The following MPP4 variants were observed in gnomAD, a reference collection of about 807,000 sequenced individuals.
MPP4 encodes MAGUK p55 scaffold protein 4.
MPP4 carries 91 observed loss-of-function variants against 98.3 expected under a neutral mutation model. That is an observed-to-expected ratio of 0.93 (90% confidence interval 0.78 to 1.10). The LOEUF (loss-of-function observed/expected upper bound fraction) is 1.10. Among genes scored for constraint, MPP4 ranks in the 50% least tolerant of loss-of-function variants. The probability of loss-of-function intolerance (pLI) is 0.00; values close to 1 mark genes in which losing one functional copy is unlikely to be tolerated. For missense variants in MPP4, 744 were observed against 792.9 expected (o/e 0.94, Z 0.74); for synonymous variants, 261 against 271.8 (o/e 0.96, Z 0.39).
rs1399178273 is a variant in MPP4, at chr2:201,660,365, G to A, written c.1073-19C>T. 1.9e-6 allele frequency: 3 copies of A among 1,613,076 alleles called. No homozygotes were observed. The highest frequency in any genetic ancestry group is 1.3e-5 in the African/African-American group (1 of 74,912). Reference sequence around the variant, plus strand: ...AGTTCCTCTGGATATTTGGGTAAGTGCAGAAACAGACATGAAAAAGTTAAG... The same window carrying A: ...AGTTCCTCTGGATATTTGGGTAAGTACAGAAACAGACATGAAAAAGTTAAG... On this transcript the variant is annotated intron_variant, in intron 14 of 21. Coordinates refer to ENST00000409474, the MANE Select transcript of MPP4 (RefSeq NM_033066.3).
chr2:201,655,992 A>G (rs919711437), intron 17 of MPP4, among the ~76,000 whole-genome samples: 1 of 152,382 alleles, frequency 6.6e-6, no homozygotes, highest in Admixed American at 6.5e-5. Flanking sequence ...GTCATAACAC[A>G]TTCACTTGTA....
chr2:201,646,049 A>G (rs1687550704), intron 21 of MPP4, among the ~76,000 whole-genome samples: 1 of 152,204 alleles, frequency 6.6e-6, no homozygotes, highest in East Asian at 1.9e-4. Flanking sequence ...CTTCTAAACT[A>G]CAAAACTTAT....
At chr2:201,658,273 A>G (rs1190256414) in intron 16 of MPP4, among the ~76,000 whole-genome samples, 5 of 152,314 alleles carry the variant, frequency 3.3e-5, no homozygotes, top group Non-Finnish European at 5.9e-5. Context: ...TTAATAGATA[A>G]CCCAGTGGAA....
rs368182880 is a variant in MPP4, at chr2:201,680,893, T to G, written c.874A>C (p.Ile292Leu). Reference protein sequence around the residue: ...NDALWWQARKISDPATCAGLV... With the variant: ...NDALWWQARKLSDPATCAGLV... Reference sequence around the variant, plus strand: ...CCAGCGCAGGTAGCAGGGTCTGAGATTTTTCGGGCCTGCCACCAGAGGGCA... The same window carrying G: ...CCAGCGCAGGTAGCAGGGTCTGAGAGTTTTCGGGCCTGCCACCAGAGGGCA... The change falls in exon 10 of 22, where the codon ATC (isoleucine) becomes CTC (leucine). Residue 292 changes from isoleucine (I) to leucine (L), a missense_variant. Coordinates refer to ENST00000409474, the MANE Select transcript of MPP4 (RefSeq NM_033066.3). 25 of 1,613,608 alleles carry G rather than the reference T, an allele frequency of 1.5e-5. No individual in the cohort carries two copies. The African/African-American group carries it at 3.2e-4, about 21-fold the overall frequency.
Position 201,692,933 on chromosome 2 carries a change from G to T in MPP4, c.176C>A (p.Ser59Ter). 6.2e-7 allele frequency: 1 copy of T among 1,610,592 alleles called. No homozygotes were observed. The highest frequency in any genetic ancestry group is 8.5e-7 in the Non-Finnish European group (1 of 1,178,508). Residue 59 changes from serine to a stop codon, truncating the protein, a stop_gained, in exon 3 of 22, where the codon TCG (serine) becomes TAG (stop). Transcript: ENST00000409474. LOFTEE classifies it high-confidence loss of function. ...CTTTAGCAGAGCCTGAAGCCACGGC[G>T]AGTGGAGGAGATCGTACAAGAGACA... The part of the protein sequence containing the change: ...GVCLLYDLLH[S>*]PWLQALLKIY...
At position 201,666,319 on chromosome 2, in the gene MPP4, A is replaced by T. The variant is rs773011155; in HGVS notation, c.1051+15T>A. 9.0e-6 allele frequency: 14 copies of T among 1,549,296 alleles called. No individual in the cohort carries two copies. The South Asian group carries it at 1.7e-4, about 19-fold the overall frequency. On this transcript the variant is annotated intron_variant, in intron 13 of 21. Transcript: ENST00000409474. ...TATTTCTTCTAACAGCAAAGCAATCAAGAGAAAATGTTACCTGCTTCCACA... is the reference window on the plus strand; with the variant it reads ...TATTTCTTCTAACAGCAAAGCAATCTAGAGAAAATGTTACCTGCTTCCACA...
intron 16 of MPP4, among the ~76,000 whole-genome samples, chr2:201,656,827 A>T (rs966736691): frequency 5.3e-5 from 8 of 152,258 alleles, no homozygotes; most frequent in Non-Finnish European, 1.2e-4. Context: ...AAGCCTCTGC[A>T]GAGACGGGCA....
chr2:201,661,525 C>T lies in MPP4; in HGVS notation c.1073-1179G>A, dbSNP rs1254702147. On this transcript the variant is annotated intron_variant, in intron 14 of 21. Transcript: ENST00000409474. ...CTCACTTTTCCAGCTGAGAGGAGTC[C>T]ACAAGGGGCGTTTTACAGTAGGCAC... 6.6e-6 allele frequency: 3 copies of T among 456,366 alleles called. No individual in the cohort carries two copies. The Admixed American group carries it at 7.0e-5, about 11-fold the overall frequency. 28.3% of individuals were successfully genotyped at this position (456,366 alleles called of 1,614,324 possible).
In MPP4 at chr2:201,698,098, G is replaced by A. The variant is rs369664396; in HGVS notation, c.-101+489C>T. The A allele has an allele frequency of 7.9e-5, 78 of 993,476 alleles. No homozygotes were observed. The East Asian group carries it at 3.2e-3, about 40-fold the overall frequency. The allele number at this position is 993,476 out of a possible 1,614,324, so 61.5% of individuals were successfully genotyped here. ...ATAGCCAGTTCTTGACTCAGAAGAT[G>A]CATTAGTGTGACTGATGCCTAAGGA... On this transcript the variant is annotated intron_variant, in intron 1 of 21. Transcript: ENST00000409474.
chr2:201,669,737 T>C lies in MPP4; in HGVS notation c.1008A>G (p.Glu336=). The change falls in exon 12 of 22, where the codon GAA becomes GAG. Residue 336 remains glutamate (E), a synonymous_variant. Transcript: ENST00000409474. Reference sequence around the variant, plus strand: ...TTCCTAAATACTATTTCTTACCTTCTTCCATAGAAATTGCTGAGTACAAGC... The same window carrying C: ...TTCCTAAATACTATTTCTTACCTTCCTCCATAGAAATTGCTGAGTACAAGC... ...CLKSTLSISM[E]EEDDMKIDEK... is the part of the protein sequence containing the mutation. 6.9e-7 allele frequency: 1 copy of C among 1,450,500 alleles called. No individual in the cohort carries two copies. Among genetic ancestry groups the C allele is most frequent in the Non-Finnish European group, 9.2e-7 (1 of 1,088,428 alleles). 89.9% of individuals were successfully genotyped at this position (1,450,500 alleles called of 1,614,324 possible).
chr2:201,668,056 TA>T (rs1383029498), intron 12 of MPP4, among the ~76,000 whole-genome samples: 2 of 152,198 alleles, frequency 1.3e-5, no homozygotes, highest in East Asian at 3.8e-4. Flanking sequence ...TCCCAGTACA[TA>T]ACAAAGTTGT....
Position 201,682,926 on chromosome 2 carries a change from C to A in MPP4, c.575-10G>T. On this transcript the variant is annotated splice_polypyrimidine_tract_variant and intron_variant, in intron 7 of 21. Transcript: ENST00000409474. ...CCAGCATATAGCAACCCTAGGCAGACAGTAACAAAAAACAAAGAAAGATAC... is the reference window on the plus strand; with the variant it reads ...CCAGCATATAGCAACCCTAGGCAGAAAGTAACAAAAAACAAAGAAAGATAC... 1 of 1,609,798 alleles carries A rather than the reference C, an allele frequency of 6.2e-7. No homozygotes were observed. Among genetic ancestry groups the A allele is most frequent in the African/African-American group, 1.3e-5 (1 of 74,810 alleles).
chr2:201,650,905 G>A (rs1048480849), intron 18 of MPP4: 3 of 985,354 alleles, frequency 3.0e-6, no homozygotes, highest in South Asian at 4.7e-5. Flanking sequence ...AATAGTGCCA[G>A]GTTGTATAGA....
At chr2:201,697,892 A>G in intron 1 of MPP4, 7 of 984,854 alleles carry the variant, frequency 7.1e-6, no homozygotes, top group Non-Finnish European at 8.4e-6. Context: ...TAGTCCTGAA[A>G]GATGCTGATG....
intron 3 of MPP4, 35 bp from the exon 4 acceptor site, chr2:201,690,314 A>G: frequency 7.2e-7 from 1 of 1,395,026 alleles, no homozygotes; most frequent in Non-Finnish European, 1.0e-6. Context: ...ATTGATATTG[A>G]TAATATGACT....
At chr2:201,696,463 A>G (rs1233009650) in intron 1 of MPP4, among the ~76,000 whole-genome samples, 2 of 152,152 alleles carry the variant, frequency 1.3e-5, no homozygotes. Context: ...GACTCTTAAA[A>G]TTGGTTCCCC....
chr2:201,675,238 G>A lies in MPP4; in HGVS notation c.963C>T (p.Tyr321=), dbSNP rs779589538. The A allele has an allele frequency of 5.0e-6, 8 of 1,609,502 alleles. No homozygotes were observed. Among genetic ancestry groups the A allele is most frequent in the South Asian group, 3.3e-5 (3 of 89,576 alleles). Residue 321 remains tyrosine, a synonymous_variant, in exon 11 of 22, where the codon TAC becomes TAT. Transcript: ENST00000409474. ...KQREFWWSQP[Y]QPHTCLKSTL... is the part of the protein sequence containing the mutation. ...TTGACTTGAGGCAGGTGTGAGGCTGGTACGGCTGAGACCACCAGAATTCCC... is the reference window on the plus strand; with the variant it reads ...TTGACTTGAGGCAGGTGTGAGGCTGATACGGCTGAGACCACCAGAATTCCC...
Position 201,649,576 on chromosome 2 carries a change from C to A in MPP4, c.1584G>T (p.Gln528His). Residue 528 changes from glutamine to histidine, a missense_variant and splice_region_variant, in exon 20 of 22, where the codon CAG (glutamine) becomes CAT (histidine). Coordinates refer to ENST00000409474, the MANE Select transcript of MPP4 (RefSeq NM_033066.3). ...GKICVMDLEP[Q>H]DIQGVRTHEL... is the part of the protein sequence containing the mutation. ...CATAAATATTCCACCATGGACCCAC[C>A]TGAGGCTCTAGGTCCATGACACAGA... 1 of 1,595,114 alleles carries A rather than the reference C, an allele frequency of 6.3e-7. No homozygotes were observed. Among genetic ancestry groups the A allele is most frequent in the East Asian group, 2.2e-5 (1 of 44,456 alleles).
chr2:201,665,559 T>G (rs1002695652), intron 13 of MPP4: 3 of 152,196 alleles, frequency 2.0e-5, no homozygotes, highest in African/African-American at 4.8e-5. Flanking sequence ...TAATGGAAAT[T>G]GTAGAAAAGA....
Sources: allele counts gnomAD v4.1 joint callset (sites outside exome capture counted in the v4.1 genomes callset), GRCh38; gene constraint gnomAD v4.1.1; transcripts MANE v1.5; gene names NCBI Gene and HGNC (gene_info 2026-07-23, HGNC 2026-07-21).